Variants in GALK2 observed in about 807,000 individuals in gnomAD.
The protein encoded by GALK2 is galactokinase 2, also known as N-acetylgalactosamine kinase.
GALK2 carries 36 observed loss-of-function variants against 52.4 expected under a neutral mutation model. The ratio of observed to expected loss-of-function variants is 0.69; its 90% CI spans 0.53 to 0.91. The LOEUF (loss-of-function observed/expected upper bound fraction) is 0.91, where lower values mean the gene tolerates loss of function less well. GALK2 is among the 40% of genes least tolerant of loss of function. The probability of loss-of-function intolerance (pLI) is 0.00; values close to 1 mark genes in which losing one functional copy is unlikely to be tolerated. For missense variants in GALK2, 579 were observed against 559.1 expected (o/e 1.04, Z -0.36); for synonymous variants, 176 against 199.1 (o/e 0.88, Z 0.98).
intron 3 of GALK2, among the ~76,000 whole-genome samples, chr15:49,339,204 A>G (rs760609523): frequency 1.3e-5 from 2 of 152,160 alleles, no homozygotes; most frequent in Non-Finnish European, 2.9e-5. Context: ...TTAGCAGAGA[A>G]GAGGCATTCT....
At position 49,201,261 on chromosome 15, in the gene GALK2, AG is replaced by A. The variant is rs753801334; in HGVS notation, c.142+12del. ...GAGTCAACATAATAGGTATTTCAAA[AG>A]TTCCTTCTCTTAATTTTTTTCTTCA... On this transcript the variant is annotated intron_variant, in intron 2 of 9. Transcript: ENST00000560031. 2 of 1,506,402 alleles carry A rather than the reference AG, an allele frequency of 1.3e-6. No individual in the cohort carries two copies. The highest frequency in any genetic ancestry group is 2.4e-5 in the South Asian group (2 of 84,818). 93.3% of individuals were successfully genotyped at this position (1,506,402 alleles called of 1,614,324 possible). A position where few individuals can be genotyped will look rare whatever the true frequency, so the allele number is the denominator to read the frequency against.
At position 49,328,691 on chromosome 15, in the gene GALK2, A is replaced by G; in HGVS notation, c.*532A>G. 5 of 1,550,238 alleles carry G rather than the reference A, an allele frequency of 3.2e-6. No individual in the cohort carries two copies. Among genetic ancestry groups the G allele is most frequent in the Non-Finnish European group, 3.5e-6 (4 of 1,145,826 alleles). On this transcript the variant is annotated 3_prime_UTR_variant, in exon 10 of 10. Transcript: ENST00000560031. ...CTTCGGAACGCTATGAAAATAATAC[A>G]TGATTAAAGTTTCACAGATCTTCTT...
chr15:49,357,407 C>T (rs904031252), intron 3 of GALK2, among the ~76,000 whole-genome samples: 9 of 150,508 alleles, frequency 6.0e-5, no homozygotes, highest in African/African-American at 2.2e-4. Flanking sequence ...GGGGATATCA[C>T]CACCGATCCC....
upstream of GALK2, among the ~76,000 whole-genome samples, chr15:49,168,352 A>C (rs1366647118): frequency 6.6e-6 from 1 of 152,158 alleles, no homozygotes; most frequent in South Asian, 2.1e-4. Context: ...TTGGACTGTT[A>C]AAAAAATTCA....
chr15:49,256,854 T>G (rs1376402332), intron 5 of GALK2, among the ~76,000 whole-genome samples: 1 of 152,158 alleles, frequency 6.6e-6, no homozygotes, highest in Admixed American at 6.6e-5. Context: ...TAGACTCAAA[T>G]CACAACTGAT....
At chr15:49,159,531 G>A (rs988413222) in intron 1 of GALK2, among the ~76,000 whole-genome samples, 6 of 148,940 alleles carry the variant, frequency 4.0e-5, no homozygotes, top group East Asian at 2.0e-4. Context: ...AGCCGAGATC[G>A]CACCATTGCA....
chr15:49,264,461 A>G (rs2092276343), intron 5 of GALK2, among the ~76,000 whole-genome samples: 1 of 152,068 alleles, frequency 6.6e-6, no homozygotes, highest in Non-Finnish European at 1.5e-5. Context: ...TATTCTAGTT[A>G]TACATTCGTC....
intron 1 of GALK2, among the ~76,000 whole-genome samples, chr15:49,190,157 ACTAGAAGTTTTCTAGTATAC>A (rs2086627003): frequency 6.6e-6 from 1 of 152,160 alleles, no homozygotes; most frequent in Non-Finnish European, 1.5e-5. Context: ...TCAAAGGAAA[ACTAGAAGTTTTCTAGTATAC>A]CCTTTCAAAT....
chr15:49,364,548 A>C (rs991819679), intron 3 of GALK2, among the ~76,000 whole-genome samples: 1 of 152,134 alleles, frequency 6.6e-6, no homozygotes, highest in Non-Finnish European at 1.5e-5. Context: ...TGCAGTCTGA[A>C]GTAATTTCAG....
intron 1 of GALK2, among the ~76,000 whole-genome samples, chr15:49,182,365 A>G (rs571317211): frequency 1.2e-4 from 19 of 152,324 alleles, no homozygotes; most frequent in African/African-American, 4.6e-4. Context: ...CATTGTGTGT[A>G]TATGCCACAT....
chr15:49,360,671 TC>T (rs1189468617), intron 3 of GALK2, among the ~76,000 whole-genome samples: 1 of 152,142 alleles, frequency 6.6e-6, no homozygotes, highest in Non-Finnish European at 1.5e-5. Flanking sequence ...ATCCTAGACA[TC>T]AAAGTTTTTC....
downstream of GALK2, among the ~76,000 whole-genome samples, chr15:49,332,570 A>AGGAT (rs1189043993): frequency 6.6e-6 from 1 of 152,220 alleles, no homozygotes; most frequent in African/African-American, 2.4e-5. Flanking sequence ...TAGGCAAGGA[A>AGGAT]GGATAGAAAC....
intron 8 of GALK2, among the ~76,000 whole-genome samples, chr15:49,299,709 G>GCTTTCTTTCTTTCTTTCTTTCTTT (rs34902544): frequency 0.013 from 1,125 of 85,126 alleles, 75 homozygotes; most frequent in South Asian, 0.019. Flanking sequence ...TCTTGGTATT[G>GCTTTCTTTCTTTCTTTCTTTCTTT]CTTTCTTTCT....
intron 3 of GALK2, among the ~76,000 whole-genome samples, chr15:49,228,685 A>ATTTTTTTTTTTTTTTTT (rs1566957985): frequency 5.5e-5 from 1 of 18,128 alleles, no homozygotes; most frequent in Non-Finnish European, 9.9e-5. Context: ...ATATATATAT[A>ATTTTTTTTTTTTTTTTT]TATTTTTTTT....
chr15:49,292,848 A>G (rs939274821), intron 8 of GALK2, among the ~76,000 whole-genome samples: 1 of 152,128 alleles, frequency 6.6e-6, no homozygotes, highest in African/African-American at 2.4e-5. Flanking sequence ...TGTATAAAAA[A>G]TGGACTAAGT....
intron 7 of GALK2, among the ~76,000 whole-genome samples, chr15:49,289,630 A>G (rs2033731057): frequency 6.6e-6 from 1 of 152,150 alleles, no homozygotes; most frequent in Non-Finnish European, 1.5e-5. Context: ...GTGGGACATG[A>G]CTGAGCTTTA....
At chr15:49,175,718 C>T (rs180708382) in intron 1 of GALK2, among the ~76,000 whole-genome samples, 191 of 152,238 alleles carry the variant, frequency 1.3e-3, no homozygotes, top group African/African-American at 4.2e-3. Flanking sequence ...GAAGTAAAAA[C>T]TAAAAGGCAG....
At chr15:49,167,166 T>A (rs180744503), upstream of GALK2, among the ~76,000 whole-genome samples, 1 of 152,214 alleles carries the variant, frequency 6.6e-6, no homozygotes, top group Non-Finnish European at 1.5e-5. Flanking sequence ...GAGACTAATA[T>A]CCTTTGAGGA....
chr15:49,332,474 A>G (rs2038972937), downstream of GALK2, among the ~76,000 whole-genome samples: 1 of 152,192 alleles, frequency 6.6e-6, no homozygotes, highest in Admixed American at 6.5e-5. Context: ...TTCAAGAAAT[A>G]TTTATGAAGG....
Sources: gnomAD v4.1 joint callset for allele counts (sites outside exome capture counted in the v4.1 genomes callset) on GRCh38, gnomAD v4.1.1 for gene constraint, MANE v1.5 for transcripts, NCBI Gene and HGNC (gene_info 2026-07-23, HGNC 2026-07-21) for gene names.